The following DMTF1 variants were observed in gnomAD, a reference collection of about 807,000 sequenced individuals.
The protein encoded by DMTF1 is cyclin-D-binding Myb-like transcription factor 1.
Under a neutral mutation model 91.1 loss-of-function variants are expected in DMTF1, and 39 were observed. That is an observed-to-expected ratio of 0.43 (90% confidence interval 0.33 to 0.56). DMTF1 has a LOEUF of 0.56. DMTF1 is among the 20% of genes least tolerant of loss of function. The pLI, the probability that DMTF1 is intolerant of heterozygous loss-of-function variation, is 0.05. For missense variants in DMTF1, 750 were observed against 914.5 expected (o/e 0.82, Z 2.32); for synonymous variants, 338 against 309.5 (o/e 1.09, Z -0.97).
chr7:87,192,133 A>G (rs1233930220), intron 14 of DMTF1, among the ~76,000 whole-genome samples: 2 of 152,102 alleles, frequency 1.3e-5, no homozygotes, highest in Non-Finnish European at 1.5e-5. Context: ...TATTTGAGGT[A>G]TGTGTTCAGG....
At chr7:87,181,745 C>G (rs1312839083) in intron 9 of DMTF1, among the ~76,000 whole-genome samples, 5 of 152,140 alleles carry the variant, frequency 3.3e-5, no homozygotes, top group Non-Finnish European at 7.3e-5. Flanking sequence ...CTTGCAAAGG[C>G]TATTGAATCT....
At position 87,173,615 on chromosome 7, in the gene DMTF1, A is replaced by C. The variant is rs1795595861; in HGVS notation, c.408A>C (p.Thr136=). The change falls in exon 6 of 18, where the codon ACA becomes ACC. Residue 136 remains threonine, a synonymous_variant. Coordinates refer to ENST00000331242, the MANE Select transcript of DMTF1 (RefSeq NM_001142327.2). The part of the protein sequence containing the change: ...EVSAVSQAWF[T]TKEDKDSLTN... ...CAGCAGTTAGCCAAGCATGGTTTAC[A>C]ACTAAAGAAGATAAGGATTCTCTGA... The C allele has an allele frequency of 1.2e-6, 2 of 1,611,202 alleles. No homozygotes were observed. Among genetic ancestry groups the C allele is most frequent in the African/African-American group, 1.3e-5 (1 of 74,812 alleles).
chr7:87,193,414 G>A, intron 15 of DMTF1, 61 bp downstream of exon 15: 9 of 1,550,104 alleles, frequency 5.8e-6, no homozygotes, highest in Non-Finnish European at 8.0e-6. Flanking sequence ...TAGTTGATAA[G>A]GACCAAAATA....
chr7:87,194,639 A>C (rs775149315), intron 16 of DMTF1, 45 bp from the exon 17 acceptor site: 3 of 1,426,400 alleles, frequency 2.1e-6, no homozygotes, highest in East Asian at 2.3e-5. Context: ...TTTAAGGAAG[A>C]CTAGTAAGAA....
Position 87,188,226 on chromosome 7 carries a change from C to T in DMTF1, c.1336C>T (p.Arg446Cys), listed in dbSNP as rs199931097. The change falls in exon 13 of 18, where the codon CGC becomes TGC. Residue 446 changes from arginine (R) to cysteine (C), a missense_variant. Physicochemically the swap from Arg to Cys is radical, Grantham distance 180 (BLOSUM62 -3). This residue lies in a region of DMTF1 where 410 missense variants were observed against 420.2 expected (regional missense o/e 0.98). Transcript: ENST00000331242. ...SVQHVQIRVA[R>C]LEDNTAISSS... ...GCAGCATGTTCAGATAAGAGTTGCC[C>T]GCTTGGAAGATAATACAGCCATCTC... The T allele has an allele frequency of 3.0e-5, 49 of 1,613,904 alleles. No individual in the cohort carries two copies. In the East Asian group the frequency reaches 4.0e-4, roughly 13 times the overall value.
Position 87,155,214 on chromosome 7 carries a change from CAT to C in DMTF1, c.-132+2660_-132+2661del, listed in dbSNP as rs1213428437. ...TCTTGCATCACTTGTATTAAACACA[CAT>C]CTGTCTGTTGCAAAGACATCAAAAG... On this transcript the variant is annotated intron_variant, in intron 1 of 17. Transcript: ENST00000331242. Among the ~76,000 whole-genome samples, 12 of 152,304 alleles carry C rather than the reference CAT, an allele frequency of 7.9e-5. No individual in the cohort carries two copies. In the South Asian group the frequency reaches 2.5e-3, roughly 32 times the overall value.
chr7:87,188,734 G>T (rs1480012147), intron 13 of DMTF1, among the ~76,000 whole-genome samples: 1 of 152,080 alleles, frequency 6.6e-6, no homozygotes, highest in African/African-American at 2.4e-5. Context: ...ATGAGTTTTG[G>T]CAAGGTTAAG....
intron 2 of DMTF1, among the ~76,000 whole-genome samples, chr7:87,164,558 T>C (rs1445666537): frequency 6.6e-6 from 1 of 152,110 alleles, no homozygotes; most frequent in East Asian, 1.9e-4. Context: ...ATGAATCTTC[T>C]GCTTAAAGAA....
At position 87,190,956 on chromosome 7, in the gene DMTF1, T is replaced by A. The variant is rs1799623876; in HGVS notation, c.1423T>A (p.Ser475Thr). Residue 475 changes from serine (S) to threonine (T), a missense_variant, in exon 14 of 18, where the codon TCT becomes ACT. Physicochemically the swap from Ser to Thr is moderately conservative, Grantham distance 58. Coordinates refer to ENST00000331242, the MANE Select transcript of DMTF1 (RefSeq NM_001142327.2). ...TATTCTTACCACAGCTTCAGCAGAC[T>A]CTCCTGCTACCGTTGACTCAGAAAC... Reference protein sequence around the residue: ...VQITHVSSADSPATVDSETIT... With the variant: ...VQITHVSSADTPATVDSETIT... The A allele has an allele frequency of 6.2e-7, 1 of 1,608,754 alleles. No homozygotes were observed. The highest frequency in any genetic ancestry group is 1.3e-5 in the African/African-American group (1 of 74,630).
At chr7:87,176,723 A>G (rs1484613030) in intron 7 of DMTF1, among the ~76,000 whole-genome samples, 1 of 152,176 alleles carries the variant, frequency 6.6e-6, no homozygotes, top group Non-Finnish European at 1.5e-5. Context: ...ATTGGCAGAA[A>G]TAGGAAATGT....
chr7:87,179,922 G>GCTTA (rs1276402918), intron 8 of DMTF1, among the ~76,000 whole-genome samples: 1 of 152,016 alleles, frequency 6.6e-6, no homozygotes, highest in Non-Finnish European at 1.5e-5. Flanking sequence ...TTAAGACTTG[G>GCTTA]CTTACTTAAT....
chr7:87,185,042 G>T, intron 11 of DMTF1: 2 of 354,622 alleles, frequency 5.6e-6, no homozygotes, highest in South Asian at 4.3e-5. Context: ...GCCAAGAAGG[G>T]GGCCCAGTCT....
rs1426617932 is a variant in DMTF1, at chr7:87,171,078, A to G, written c.316A>G (p.Thr106Ala). The change falls in exon 5 of 18, where the codon ACA becomes GCA. Residue 106 changes from threonine to alanine, a missense_variant. Thr to Ala is a moderately conservative substitution (Grantham distance 58). Coordinates refer to ENST00000331242, the MANE Select transcript of DMTF1 (RefSeq NM_001142327.2). ...TGATGAGGTTACTGAGGGGACTGTG[A>G]CACAGATACAGGTATAGTAAATCTT... ...ADDEVTEGTV[T>A]QIQILQNEQL... 3 of 1,602,142 alleles carry G rather than the reference A, an allele frequency of 1.9e-6. No individual in the cohort carries two copies. Among genetic ancestry groups the G allele is most frequent in the Non-Finnish European group, 2.6e-6 (3 of 1,169,512 alleles).
Position 87,171,190 on chromosome 7 carries a change from A to G in DMTF1, c.327+101A>G, listed in dbSNP as rs1413124120. On this transcript the variant is annotated intron_variant, in intron 5 of 17. Coordinates refer to ENST00000331242, the MANE Select transcript of DMTF1 (RefSeq NM_001142327.2). Reference sequence around the variant, plus strand: ...CTCAGCCTCCCAAGTAGCGAGGACTACTGGCACATGCCACTGTGCCCAGGT... The same window carrying G: ...CTCAGCCTCCCAAGTAGCGAGGACTGCTGGCACATGCCACTGTGCCCAGGT... 2.1e-5 allele frequency: 16 copies of G among 754,258 alleles called. 1 individual carries two copies. The East Asian group carries it at 3.3e-4, about 15-fold the overall frequency. 46.7% of individuals were successfully genotyped at this position (754,258 alleles called of 1,614,324 possible). A position where few individuals can be genotyped will look rare whatever the true frequency, so the allele number is the denominator to read the frequency against.
At position 87,193,226 on chromosome 7, in the gene DMTF1, C is replaced by T. The variant is rs1409459929; in HGVS notation, c.1523C>T (p.Pro508Leu). 4 of 1,613,292 alleles carry T rather than the reference C, an allele frequency of 2.5e-6. No homozygotes were observed. The highest frequency in any genetic ancestry group is 1.7e-5 in the Admixed American group (1 of 59,950). The change falls in exon 15 of 18, where the codon CCA (proline) becomes CTA (leucine). Residue 508 changes from proline (P) to leucine (L), a missense_variant. By Grantham distance (98) the Pro-to-Leu change is moderately conservative. This residue lies in a region of DMTF1 where 410 missense variants were observed against 420.2 expected (regional missense o/e 0.98). Coordinates refer to ENST00000331242, the MANE Select transcript of DMTF1 (RefSeq NM_001142327.2). ...TTCCATCTACAGCCCACTGGCACTC[C>T]AGGCACCTACCTACTTCAAACAAGC... is the stretch of plus-strand genomic sequence containing the variant. Reference protein sequence around the residue: ...PSFHLQPTGTPGTYLLQTSSS... With the variant: ...PSFHLQPTGTLGTYLLQTSSS...
intron 8 of DMTF1, among the ~76,000 whole-genome samples, chr7:87,180,984 T>C (rs1198112417): frequency 1.3e-5 from 2 of 151,772 alleles, no homozygotes; most frequent in African/African-American, 4.8e-5. Flanking sequence ...GCCACTCTAG[T>C]AGCTGGGATT....
At chr7:87,168,929 C>A (rs55750589) in intron 4 of DMTF1, among the ~76,000 whole-genome samples, 6,889 of 152,220 alleles carry the variant, frequency 0.045, 186 homozygotes, top group Middle Eastern at 0.071. Flanking sequence ...TGGAAGTAAC[C>A]AGAAAATAAT....
intron 14 of DMTF1, chr7:87,192,938 A>G (rs1800210370): frequency 2.6e-6 from 1 of 383,462 alleles, no homozygotes; most frequent in Non-Finnish European, 4.8e-6. Flanking sequence ...ACTGCACTGG[A>G]AACAGTGGCT....
chr7:87,161,958 T>A (rs1792545500), intron 1 of DMTF1, among the ~76,000 whole-genome samples: 1 of 152,260 alleles, frequency 6.6e-6, no homozygotes, highest in Admixed American at 6.5e-5. Context: ...TTTAACAATT[T>A]TTATTTACTA....
Sources: gnomAD v4.1 joint callset for allele counts (sites outside exome capture counted in the v4.1 genomes callset) on GRCh38, gnomAD v4.1.1 for gene constraint, gnomAD v4.1.1 regional missense constraint, MANE v1.5 for transcripts, NCBI Gene and HGNC (gene_info 2026-07-23, HGNC 2026-07-21) for gene names.